Variants in YAE1 observed in about 807,000 individuals in gnomAD.
YAE1 encodes YAE1 maturation factor of ABCE1.
In YAE1, 22 loss-of-function variants were observed where a neutral mutation model predicts 23.0. The observed-to-expected ratio is 0.96, with a 90% CI of 0.68 to 1.37. YAE1 has a LOEUF of 1.37. Ranked by LOEUF, YAE1 falls within the 40% of genes most tolerant of loss-of-function variation. The pLI is 0.00. For missense variants in YAE1, 260 were observed against 262.1 expected, an observed-to-expected ratio of 0.99 and a Z score of 0.06; for synonymous variants, 101 against 97.0, an observed-to-expected ratio of 1.04 and a Z score of -0.24.
intron 2 of YAE1, among the ~76,000 whole-genome samples, chr7:39,592,946 GTTACACATATTTAAACCTC>G (rs1239134495): frequency 1.3e-5 from 2 of 151,998 alleles, no homozygotes; most frequent in African/African-American, 4.8e-5. Context: ...TGGGACTCCA[GTTACACATATTTAAACCTC>G]TTAATGCTGT....
chr7:39,577,801 T>TG (rs1790678296), downstream of YAE1, among the ~76,000 whole-genome samples: 1 of 152,220 alleles, frequency 6.6e-6, no homozygotes, highest in Non-Finnish European at 1.5e-5. Flanking sequence ...GGTGCGGGAC[T>TG]GGGAGGCAGC....
At chr7:39,590,386 T>C (rs114319148) in intron 2 of YAE1, among the ~76,000 whole-genome samples, 4,307 of 152,310 alleles carry the variant, frequency 0.028, 207 homozygotes, top group African/African-American at 0.096. Flanking sequence ...ATGGACTATG[T>C]TATTTTATTC....
intron 1 of YAE1, among the ~76,000 whole-genome samples, chr7:39,568,227 G>A (rs1431691091): frequency 2.0e-5 from 3 of 151,458 alleles, no homozygotes; most frequent in Non-Finnish European, 4.4e-5. Context: ...GACAGAGCGC[G>A]ACTCCATCTC....
intron 2 of YAE1, among the ~76,000 whole-genome samples, chr7:39,591,037 G>C (rs761443824): frequency 6.6e-6 from 1 of 152,152 alleles, no homozygotes; most frequent in Non-Finnish European, 1.5e-5. Flanking sequence ...TGGCAGGCTT[G>C]GTTCCTTCTG....
intron 2 of YAE1, among the ~76,000 whole-genome samples, chr7:39,599,334 A>G (rs1791021183): frequency 6.6e-6 from 1 of 152,128 alleles, no homozygotes; most frequent in South Asian, 2.1e-4. Context: ...ATGAGGTGAT[A>G]ATAGTAGTTT....
intron 2 of YAE1, among the ~76,000 whole-genome samples, chr7:39,595,867 C>A (rs1015885002): frequency 3.3e-5 from 5 of 152,166 alleles, no homozygotes; most frequent in Non-Finnish European, 7.3e-5. Context: ...CTTCATCAAG[C>A]CTTCTTGAGA....
At chr7:39,593,173 A>ATTTGTTTT (rs1790924411) in intron 2 of YAE1, among the ~76,000 whole-genome samples, 1 of 40,062 alleles carries the variant, frequency 2.5e-5, no homozygotes, top group Non-Finnish European at 4.9e-5. Context: ...CCATTTGGTT[A>ATTTGTTTT]TTTCTTTTTT....
chr7:39,572,471 AG>A lies in YAE1; in HGVS notation c.447del (p.Lys151ArgfsTer28), dbSNP rs1790586569. 2.5e-6 allele frequency: 4 copies of A among 1,614,064 alleles called. No homozygotes were observed. In the African/African-American group the frequency reaches 4.0e-5, roughly 16 times the overall value. ...DMDLCHVVPA[E>X]KKIDEAKDER... ...GACCTTTGTCATGTAGTTCCAGCTGAGAAAAAGATTGATGAAGCTAAAGATG... is the reference window on the plus strand; with the variant it reads ...GACCTTTGTCATGTAGTTCCAGCTGAAAAAAGATTGATGAAGCTAAAGATG... On this transcript the variant is annotated frameshift_variant, in exon 3 of 3. Transcript: ENST00000223273. LOFTEE classifies it high-confidence loss of function.
At chr7:39,577,350 A>C (rs909115504), downstream of YAE1, among the ~76,000 whole-genome samples, 7 of 152,206 alleles carry the variant, frequency 4.6e-5, no homozygotes, top group African/African-American at 1.7e-4. Context: ...GCTGCGCTTG[A>C]GGAGCCCTTC....
intron 2 of YAE1, among the ~76,000 whole-genome samples, chr7:39,578,418 C>T (rs1583672007): frequency 6.6e-6 from 1 of 152,294 alleles, no homozygotes. Context: ...GGGTCTAGTT[C>T]CATGTTGTGG....
intron 2 of YAE1, among the ~76,000 whole-genome samples, chr7:39,603,911 G>A (rs532918008): frequency 5.9e-5 from 9 of 152,276 alleles, no homozygotes; most frequent in South Asian, 2.1e-4. Flanking sequence ...TAGATCTTCC[G>A]CCAACTGTGA....
intron 1 of YAE1, chr7:39,570,040 G>A: frequency 7.3e-7 from 1 of 1,362,408 alleles, no homozygotes; most frequent in South Asian, 1.2e-5. Context: ...GGCACCACGG[G>A]GCATAAAATT....
rs1204193608 is a variant in YAE1 at position 39,605,009 on chromosome 7, A to T, written c.252-4608A>T. On this transcript the variant is annotated intron_variant, in intron 2 of 2. Coordinates refer to the YAE1 transcript ENST00000432096. Reference sequence around the variant, plus strand: ...GTTAGAAGAAGAACAAATGTCTGGAAATTACAGTGAGATATTCTTCAGTTC... The same window carrying T: ...GTTAGAAGAAGAACAAATGTCTGGATATTACAGTGAGATATTCTTCAGTTC... Among the ~76,000 whole-genome samples, 4 of 152,252 alleles carry T rather than the reference A, an allele frequency of 2.6e-5. No individual in the cohort carries two copies. In the East Asian group the frequency reaches 7.7e-4, roughly 29 times the overall value.
At chr7:39,568,102 G>A (rs1790503838) in intron 1 of YAE1, among the ~76,000 whole-genome samples, 1 of 152,096 alleles carries the variant, frequency 6.6e-6, no homozygotes, top group African/African-American at 2.4e-5. Context: ...GCCGGGTATA[G>A]TGGCGTGCAC....
chr7:39,591,915 T>C (rs1790905843), intron 2 of YAE1, among the ~76,000 whole-genome samples: 1 of 152,244 alleles, frequency 6.6e-6, no homozygotes, highest in African/African-American at 2.4e-5. Flanking sequence ...GAATGTCACA[T>C]ACTGTAGTTG....
chr7:39,589,967 A>G (rs777743644), intron 2 of YAE1, among the ~76,000 whole-genome samples: 15 of 152,218 alleles, frequency 9.9e-5, no homozygotes, highest in Non-Finnish European at 1.8e-4. Context: ...TGGGACTTAG[A>G]GGAAGAAAAC....
intron 2 of YAE1, among the ~76,000 whole-genome samples, chr7:39,583,979 A>G (rs1790779702): frequency 6.6e-6 from 1 of 152,206 alleles, no homozygotes; most frequent in African/African-American, 2.4e-5. Flanking sequence ...CCTGAACATC[A>G]TACCTGCAAT....
At chr7:39,609,837 G>A in exon 3 of YAE1, 3 of 1,533,170 alleles carry the variant, frequency 2.0e-6, no homozygotes, top group Non-Finnish European at 1.7e-6. Flanking sequence ...CCCAGGCCCT[G>A]GGACGCCGAG....
Position 39,572,647 on chromosome 7 carries a change from A to G in YAE1, c.622A>G (p.Ser208Gly). 6.2e-7 allele frequency: 1 copy of G among 1,613,592 alleles called. No homozygotes were observed. Among genetic ancestry groups the G allele is most frequent in the Non-Finnish European group, 8.5e-7 (1 of 1,179,784 alleles). The change falls in exon 3 of 3, where the codon AGT becomes GGT. Residue 208 changes from serine to glycine, a missense_variant. Ser to Gly is a moderately conservative substitution (Grantham distance 56). Transcript: ENST00000223273. ...SPTWILEQTA[S>G]LVKQLGLSVD... Reference sequence around the variant, plus strand: ...CACATGGATTTTGGAACAGACAGCCAGTTTAGTTAAACAGCTGGGCCTATC... The same window carrying G: ...CACATGGATTTTGGAACAGACAGCCGGTTTAGTTAAACAGCTGGGCCTATC...
Sources: gnomAD v4.1 joint callset for allele counts (sites outside exome capture counted in the v4.1 genomes callset) on GRCh38, gnomAD v4.1.1 for gene constraint, MANE v1.5 for transcripts, NCBI Gene and HGNC (gene_info 2026-07-23, HGNC 2026-07-21) for gene names.